Variants in GADL1 observed in about 807,000 individuals in gnomAD.
GADL1 encodes acidic amino acid decarboxylase GADL1.
A neutral mutation model predicts 69.5 loss-of-function variants in GADL1; 71 were observed. The ratio of observed to expected loss-of-function variants is 1.02; its 90% CI spans 0.84 to 1.25. GADL1 has a LOEUF of 1.25. GADL1 is among the 50% of genes most tolerant of loss of function. The pLI, the probability that GADL1 is intolerant of heterozygous loss-of-function variation, is 0.00. For synonymous variants in GADL1, 254 were observed against 214.4 expected, an observed-to-expected ratio of 1.18 and a Z score of -1.62; for missense variants, 737 against 631.8, an observed-to-expected ratio of 1.17 and a Z score of -1.79.
intron 9 of GADL1, among the ~76,000 whole-genome samples, chr3:30,835,440 G>GT (rs1697858427): frequency 6.6e-6 from 1 of 151,972 alleles, no homozygotes; most frequent in Non-Finnish European, 1.5e-5. Context: ...AGAAAATGAA[G>GT]TATCTCCACG....
At chr3:30,840,020 G>T (rs992678070) in intron 8 of GADL1, among the ~76,000 whole-genome samples, 1 of 152,038 alleles carries the variant, frequency 6.6e-6, no homozygotes, top group East Asian at 1.9e-4. Context: ...AGACAAATGT[G>T]GGGGTGAGGG....
At chr3:30,832,072 A>AG (rs1491561312) in intron 11 of GADL1, among the ~76,000 whole-genome samples, 5 of 149,632 alleles carry the variant, frequency 3.3e-5, no homozygotes, top group Non-Finnish European at 7.5e-5. Context: ...ATGATATGGA[A>AG]GAGAGTAACA....
intron 8 of GADL1, among the ~76,000 whole-genome samples, chr3:30,843,611 G>T (rs896869572): frequency 1.3e-5 from 2 of 152,222 alleles, no homozygotes; most frequent in Non-Finnish European, 2.9e-5. Flanking sequence ...CTGGAGCACA[G>T]CAGGTGCCCA....
At chr3:30,758,455 A>T (rs897281849) in intron 14 of GADL1, among the ~76,000 whole-genome samples, 1 of 152,090 alleles carries the variant, frequency 6.6e-6, no homozygotes, top group African/African-American at 2.4e-5. Flanking sequence ...AACCACAATG[A>T]TTGTGCTTGA....
At chr3:30,785,310 G>C (rs1490724005) in intron 13 of GADL1, among the ~76,000 whole-genome samples, 1 of 151,634 alleles carries the variant, frequency 6.6e-6, no homozygotes, top group African/African-American at 2.4e-5. Flanking sequence ...CCTGTGCCTA[G>C]AACCATGCAT....
chr3:30,738,127 C>T (rs1023989968), intron 14 of GADL1, among the ~76,000 whole-genome samples: 1 of 152,214 alleles, frequency 6.6e-6, no homozygotes, highest in Non-Finnish European at 1.5e-5. Flanking sequence ...GCCACCTGAG[C>T]TAATAGCTCC....
chr3:30,778,149 AAAG>A, intron 14 of GADL1, 27 bp downstream of exon 14: 1 of 1,289,202 alleles, frequency 7.8e-7, no homozygotes, highest in Non-Finnish European at 1.1e-6. Flanking sequence ...ACTTCATCAA[AAAG>A]AAAAATACCA....
At position 30,801,066 on chromosome 3, in the gene GADL1, GA is replaced by G; in HGVS notation, c.1072del (p.Ser358LeufsTer16). The G allele has an allele frequency of 6.2e-7, 1 of 1,613,162 alleles. No individual in the cohort carries two copies. The highest frequency in any genetic ancestry group is 8.5e-7 in the Non-Finnish European group (1 of 1,179,572). On this transcript the variant is annotated frameshift_variant, in exon 12 of 15. Transcript: ENST00000282538. LOFTEE classifies it high-confidence loss of function. The part of the protein sequence containing the change: ...DKSDLLKKCY[S>X]AKASYLFQQD... ...CTGGAAGAGGTAAGATGCCTTGGCA[GA>G]GTAGCATTTTTTAAGAAGATCCTTC...
intron 9 of GADL1, among the ~76,000 whole-genome samples, chr3:30,835,983 T>C (rs1430927720): frequency 1.3e-5 from 2 of 152,100 alleles, no homozygotes; most frequent in East Asian, 3.9e-4. Flanking sequence ...TCTCCAGATC[T>C]GGATTTTGAG....
At chr3:30,744,123 C>T (rs1038771946) in intron 14 of GADL1, among the ~76,000 whole-genome samples, 1 of 152,266 alleles carries the variant, frequency 6.6e-6, no homozygotes, top group Non-Finnish European at 1.5e-5. Flanking sequence ...TAAGTGAAAC[C>T]TAATTCATAT....
Position 30,726,889 on chromosome 3 carries a change from A to G in GADL1, c.*1353T>C, listed in dbSNP as rs1188161957. On this transcript the variant is annotated 3_prime_UTR_variant, in exon 15 of 15. Transcript: ENST00000282538. The stretch of plus-strand genomic sequence containing the variant: ...CACTCTCAGGAGAAATGGAGGAAGC[A>G]TTTACACTGAAAGTCTGCTGAATCC... 2 of 152,512 alleles carry G rather than the reference A, an allele frequency of 1.3e-5. No homozygotes were observed. Among genetic ancestry groups the G allele is most frequent in the Admixed American group, 1.3e-4 (2 of 15,256 alleles). The allele number at this position is 152,512 out of a possible 1,614,324, so 9.4% of individuals were successfully genotyped here.
chr3:30,834,455 C>T (rs1320614162), intron 9 of GADL1, among the ~76,000 whole-genome samples, 174 bp from the exon 10 acceptor site: 1 of 152,056 alleles, frequency 6.6e-6, no homozygotes, highest in Non-Finnish European at 1.5e-5. Flanking sequence ...CTCAGGCAAC[C>T]AGAACCTCAT....
intron 1 of GADL1, among the ~76,000 whole-genome samples, chr3:30,881,293 C>T (rs558671149): frequency 7.6e-4 from 115 of 152,026 alleles, no homozygotes; most frequent in Non-Finnish European, 1.5e-3. Context: ...TGCAAGAATA[C>T]AGAAGAATGC....
At chr3:30,881,858 G>T (rs775689484) in intron 1 of GADL1, among the ~76,000 whole-genome samples, 2 of 151,822 alleles carry the variant, frequency 1.3e-5, no homozygotes, top group Non-Finnish European at 2.9e-5. Context: ...CAGCCTCATG[G>T]GTGGGGGTTG....
At chr3:30,805,584 G>C (rs1202825707) in intron 11 of GADL1, among the ~76,000 whole-genome samples, 2 of 152,046 alleles carry the variant, frequency 1.3e-5, no homozygotes, top group African/African-American at 4.8e-5. Context: ...TTATGTGAAA[G>C]AATGAATCCG....
chr3:30,770,171 C>G (rs1696384628), intron 14 of GADL1, among the ~76,000 whole-genome samples: 1 of 152,142 alleles, frequency 6.6e-6, no homozygotes, highest in African/African-American at 2.4e-5. Flanking sequence ...ATGTTATGCT[C>G]AGGCTCCTCT....
intron 13 of GADL1, among the ~76,000 whole-genome samples, chr3:30,785,903 C>A (rs1696779021): frequency 6.6e-6 from 1 of 152,166 alleles, no homozygotes; most frequent in Admixed American, 6.6e-5. Context: ...ACATAGCAAA[C>A]AATCCAACAT....
At chr3:30,852,467 T>C (rs1055069026) in intron 4 of GADL1, among the ~76,000 whole-genome samples, 3 of 152,100 alleles carry the variant, frequency 2.0e-5, no homozygotes, top group African/African-American at 7.2e-5. Flanking sequence ...GCTGAGATCA[T>C]GCCACTGCAC....
intron 11 of GADL1, among the ~76,000 whole-genome samples, chr3:30,810,380 G>GAT (rs930838694): frequency 9.2e-5 from 14 of 152,176 alleles, no homozygotes; most frequent in Non-Finnish European, 1.6e-4. Flanking sequence ...AAAGTTACAT[G>GAT]ATATATATAG....
Sources: allele counts gnomAD v4.1 joint callset (sites outside exome capture counted in the v4.1 genomes callset), GRCh38; gene constraint gnomAD v4.1.1; transcripts MANE v1.5; gene names NCBI Gene and HGNC (gene_info 2026-07-23, HGNC 2026-07-21).